The following SLC16A12 variants were observed in gnomAD, a reference collection of about 807,000 sequenced individuals.
SLC16A12 encodes solute carrier family 16 member 12.
In SLC16A12, 17 loss-of-function variants were observed where a neutral mutation model predicts 42.4. That is an observed-to-expected ratio of 0.40 (90% CI 0.27 to 0.60). The LOEUF is 0.60. Among genes scored for constraint, SLC16A12 ranks in the 20% least tolerant of loss-of-function variants. SLC16A12 has a pLI of 0.42. For synonymous variants in SLC16A12, 224 were observed against 229.4 expected, an observed-to-expected ratio of 0.98 and a Z score of 0.21; for missense variants, 544 against 623.0, an observed-to-expected ratio of 0.87 and a Z score of 1.35.
At chr10:89,536,490 G>C (rs895064599), upstream of SLC16A12, among the ~76,000 whole-genome samples, 1 of 151,970 alleles carries the variant, frequency 6.6e-6, no homozygotes, top group Non-Finnish European at 1.5e-5. Flanking sequence ...TGAGGTGTAG[G>C]CGCCCGGTAC....
chr10:89,433,221 C>T lies in SLC16A12; in HGVS notation c.1394G>A (p.Arg465Lys). 1 of 1,614,192 alleles carries T rather than the reference C, an allele frequency of 6.2e-7. No individual in the cohort carries two copies. The highest frequency in any genetic ancestry group is 8.5e-7 in the Non-Finnish European group (1 of 1,180,016). ...GAACTGCAACTGGGTTTTTCTCATTCTCTTTATAAGTCTAGCAAAGCCAAG... is the reference window on the plus strand; with the variant it reads ...GAACTGCAACTGGGTTTTTCTCATTTTCTTTATAAGTCTAGCAAAGCCAAG... ...VLLGFARLIK[R>K]MRKTQLQFIA... The change falls in exon 8 of 8, where the codon AGA (arginine) becomes AAA (lysine). Residue 465 changes from arginine to lysine, a missense_variant. Transcript: ENST00000371790.
intron 3 of SLC16A12, among the ~76,000 whole-genome samples, chr10:89,451,540 T>A (rs1204703657): frequency 6.6e-6 from 1 of 151,912 alleles, no homozygotes; most frequent in Non-Finnish European, 1.5e-5. Context: ...GCCTCCCGAG[T>A]AGCTGGGATT....
At chr10:89,534,040 C>T (rs1044479252) in intron 2 of SLC16A12, among the ~76,000 whole-genome samples, 2 of 152,210 alleles carry the variant, frequency 1.3e-5, no homozygotes, top group African/African-American at 4.8e-5. Context: ...ATCTGAGCTT[C>T]CTGGGCTGTA....
At chr10:89,509,898 G>A (rs1843136155) in intron 2 of SLC16A12, among the ~76,000 whole-genome samples, 1 of 152,148 alleles carries the variant, frequency 6.6e-6, no homozygotes. Context: ...CAAAGTCTCA[G>A]GATACAAAAT....
At chr10:89,441,029 T>C in intron 5 of SLC16A12, 79 bp downstream of exon 5, 1 of 1,561,352 alleles carries the variant, frequency 6.4e-7, no homozygotes, top group Admixed American at 1.7e-5. Flanking sequence ...ATGAATATTT[T>C]ATGAATTACT....
At chr10:89,507,548 C>G (rs1217827703) in intron 2 of SLC16A12, among the ~76,000 whole-genome samples, 1 of 152,176 alleles carries the variant, frequency 6.6e-6, no homozygotes, top group Non-Finnish European at 1.5e-5. Context: ...ATCACCAGGC[C>G]TGCCATAATT....
chr10:89,522,086 C>T (rs1325595256), intron 2 of SLC16A12, among the ~76,000 whole-genome samples: 2 of 152,166 alleles, frequency 1.3e-5, no homozygotes, highest in Non-Finnish European at 2.9e-5. Context: ...CAAGTTTGAC[C>T]ACCTCATGTC....
chr10:89,546,080 T>C lies in SLC16A12; in HGVS notation c.-47+9802A>G, dbSNP rs1843741367. Among the ~76,000 whole-genome samples the C allele has an allele frequency of 4.0e-5, 6 of 150,578 alleles. No homozygotes were observed. The South Asian group carries it at 1.0e-3, about 26-fold the overall frequency. On this transcript the variant is annotated intron_variant, in intron 2 of 2. Transcript: ENST00000475682. ...GACTTAACTGTAAAACCCAAAACCA[T>C]AAAAACCCTAGAAGAAAACCTAGGC...
At chr10:89,434,813 A>C (rs762437317) in intron 7 of SLC16A12, among the ~76,000 whole-genome samples, 3 of 152,238 alleles carry the variant, frequency 2.0e-5, no homozygotes, top group Non-Finnish European at 4.4e-5. Context: ...TCGCATGAGC[A>C]TCACAACAAA....
At chr10:89,502,990 G>A (rs1303790040) in intron 2 of SLC16A12, among the ~76,000 whole-genome samples, 1 of 152,226 alleles carries the variant, frequency 6.6e-6, no homozygotes, top group African/African-American at 2.4e-5. Context: ...ATCAGGATCA[G>A]CGGGTTCCTA....
intron 3 of SLC16A12, among the ~76,000 whole-genome samples, chr10:89,452,063 A>C (rs1231735081): frequency 6.6e-6 from 1 of 152,238 alleles, no homozygotes; most frequent in Non-Finnish European, 1.5e-5. Flanking sequence ...GATTTCTATC[A>C]TATCCTTTTT....
At chr10:89,512,149 G>A (rs185865219) in intron 2 of SLC16A12, among the ~76,000 whole-genome samples, 79 of 152,224 alleles carry the variant, frequency 5.2e-4, no homozygotes, top group Admixed American at 1.1e-3. Context: ...AGGGCCTGAC[G>A]GAGAGCAGAA....
chr10:89,503,827 A>G (rs957135707), intron 2 of SLC16A12, among the ~76,000 whole-genome samples: 1 of 152,166 alleles, frequency 6.6e-6, no homozygotes, highest in East Asian at 1.9e-4. Context: ...AAGGAGTGGG[A>G]GGTCTGAGCA....
chr10:89,502,536 A>T (rs1231026212), intron 2 of SLC16A12, among the ~76,000 whole-genome samples: 1 of 152,202 alleles, frequency 6.6e-6, no homozygotes, highest in East Asian at 1.9e-4. Context: ...TCACCTACTT[A>T]TGGTAAAGCT....
At chr10:89,546,654 A>G (rs1391121987) in intron 2 of SLC16A12, among the ~76,000 whole-genome samples, 4 of 152,210 alleles carry the variant, frequency 2.6e-5, no homozygotes, top group Non-Finnish European at 5.9e-5. Flanking sequence ...AACCAGAAAT[A>G]TCATTTGACC....
chr10:89,479,765 C>T (rs1200898385), intron 2 of SLC16A12, among the ~76,000 whole-genome samples: 1 of 152,200 alleles, frequency 6.6e-6, no homozygotes, highest in Non-Finnish European at 1.5e-5. Context: ...TTATTATAGA[C>T]TGCCTCCATG....
At chr10:89,537,636 T>G (rs996516591), upstream of SLC16A12, among the ~76,000 whole-genome samples, 1 of 152,158 alleles carries the variant, frequency 6.6e-6, no homozygotes, top group Admixed American at 6.5e-5. Flanking sequence ...GTGAAGGTCT[T>G]TAGGTTAAAG....
chr10:89,463,504 T>A (rs1347298995), intron 2 of SLC16A12, among the ~76,000 whole-genome samples: 1 of 151,980 alleles, frequency 6.6e-6, no homozygotes, highest in Admixed American at 6.6e-5. Context: ...TGTAAAAAAA[T>A]AAAGAAGTAG....
intron 2 of SLC16A12, among the ~76,000 whole-genome samples, chr10:89,478,767 C>G (rs763298282): frequency 3.3e-5 from 5 of 152,218 alleles, no homozygotes; most frequent in Non-Finnish European, 5.9e-5. Flanking sequence ...ACCTCAAACT[C>G]TCATGTCCAA....
Sources: allele counts gnomAD v4.1 joint callset (sites outside exome capture counted in the v4.1 genomes callset), GRCh38; gene constraint gnomAD v4.1.1; transcripts MANE v1.5; gene names NCBI Gene and HGNC (gene_info 2026-07-23, HGNC 2026-07-21).